ABCB9: variants seen among roughly 807,000 people sequenced by gnomAD.
ABCB9 encodes ATP binding cassette subfamily B member 9.
In ABCB9, 36 loss-of-function variants were observed where a neutral mutation model predicts 62.0. That is an observed-to-expected ratio of 0.58 (90% CI 0.45 to 0.77). The LOEUF (loss-of-function observed/expected upper bound fraction) is 0.77, where lower values mean the gene tolerates loss of function less well. Among genes scored for constraint, ABCB9 ranks in the 30% least tolerant of loss-of-function variants. The probability of loss-of-function intolerance (pLI) is 0.00; values close to 1 mark genes in which losing one functional copy is unlikely to be tolerated. For missense variants in ABCB9, 943 were observed against 1,054.7 expected, an observed-to-expected ratio of 0.89 and a Z score of 1.47; for synonymous variants, 435 against 461.4, an observed-to-expected ratio of 0.94 and a Z score of 0.73.
chr12:122,924,813 G>C (rs1207887074), downstream of ABCB9: 1 of 1,534,822 alleles, frequency 6.5e-7, no homozygotes, highest in African/African-American at 1.4e-5. Flanking sequence ...CCAGCACACT[G>C]TGTGGGACAG....
At position 122,940,904 on chromosome 12, in the gene ABCB9, T is replaced by C; in HGVS notation, c.1472A>G (p.His491Arg). The C allele has an allele frequency of 6.2e-7, 1 of 1,612,478 alleles. No individual in the cohort carries two copies. The highest frequency in any genetic ancestry group is 8.5e-7 in the Non-Finnish European group (1 of 1,179,436). ...GTGGTCGGGGGCCAAGCTGCCATCG[T>C]GCACCATGGTCGGCTGCCGGTCGAT... The part of the protein sequence containing the change: ...EFIDRQPTMV[H>R]DGSLAPDHLE... The change falls in exon 8 of 12, where the codon CAC becomes CGC. Residue 491 changes from histidine (H) to arginine (R), a missense_variant. By Grantham distance (29) the His-to-Arg change is conservative. Transcript: ENST00000280560. This position sits in a 1 kb window ranked among gnomAD's most constrained non-coding sequence, Gnocchi z 4.8.
At chr12:122,937,565 C>T (rs1009919134) in intron 9 of ABCB9, among the ~76,000 whole-genome samples, 62 of 152,158 alleles carry the variant, frequency 4.1e-4, no homozygotes, top group African/African-American at 1.4e-3. Context: ...AGAATCGAAG[C>T]GTGGTACCTA....
chr12:122,973,595 AAAAAAAAAAAAAAAC>A (rs2037318471), intron 1 of ABCB9, among the ~76,000 whole-genome samples: 1 of 144,006 alleles, frequency 6.9e-6, no homozygotes, highest in Non-Finnish European at 1.5e-5. Flanking sequence ...AAAAAAAAAA[AAAAAAAAAAAAAAAC>A]AAAAACTTTG....
At chr12:122,938,873 A>G (rs2035590873) in intron 9 of ABCB9, among the ~76,000 whole-genome samples, 1 of 151,634 alleles carries the variant, frequency 6.6e-6, no homozygotes, top group African/African-American at 2.4e-5. Context: ...AAAATAAAAT[A>G]TAAAGGGAAA....
At chr12:122,965,337 T>C (rs1473182087) in intron 1 of ABCB9, among the ~76,000 whole-genome samples, 2 of 152,174 alleles carry the variant, frequency 1.3e-5, no homozygotes, top group Non-Finnish European at 2.9e-5. Context: ...GGTGAGCTTT[T>C]TACCCCGGTG....
Position 122,944,964 on chromosome 12 carries a change from C to T in ABCB9, c.1252-445G>A, listed in dbSNP as rs932874187. Among the ~76,000 whole-genome samples, 3 of 152,222 alleles carry T rather than the reference C, an allele frequency of 2.0e-5. No homozygotes were observed. Among genetic ancestry groups the T allele is most frequent in the African/African-American group, 7.2e-5 (3 of 41,458 alleles). On this transcript the variant is annotated intron_variant, in intron 6 of 11. Transcript: ENST00000280560. The surrounding 1 kb of genome is among the most constrained non-coding windows in gnomAD (Gnocchi z 4.9). ...TGATGGGAGCGCCCATGCCTTCCTC[C>T]TGTGCCTGGGGGGCATCTGGGAAGG...
At chr12:122,948,873 T>C (rs756911027) in intron 4 of ABCB9, 44 bp from the exon 5 acceptor site, 1 of 1,439,996 alleles carries the variant, frequency 6.9e-7, no homozygotes, top group Admixed American at 2.6e-5. Flanking sequence ...AACCCGGGCC[T>C]TGGGGGTGGC....
At chr12:122,972,259 C>T (rs1267367182) in intron 1 of ABCB9, among the ~76,000 whole-genome samples, 2 of 152,066 alleles carry the variant, frequency 1.3e-5, no homozygotes, top group Non-Finnish European at 2.9e-5. Context: ...GTGATCCACC[C>T]GCCTTGGCCT....
intron 10 of ABCB9, among the ~76,000 whole-genome samples, chr12:122,933,423 A>G (rs893342466): frequency 1.3e-5 from 2 of 152,104 alleles, no homozygotes; most frequent in African/African-American, 4.8e-5. Flanking sequence ...GTATGGTGGC[A>G]CATGCCTGTA....
intron 1 of ABCB9, chr12:122,972,717 T>TA: frequency 6.6e-6 from 1 of 152,190 alleles, no homozygotes; most frequent in Non-Finnish European, 1.5e-5. Context: ...TTCACCATGT[T>TA]GCCCAGGCTG....
chr12:122,960,433 T>A, intron 1 of ABCB9, 111 bp from the exon 2 acceptor site: 2 of 739,366 alleles, frequency 2.7e-6, no homozygotes, highest in Non-Finnish European at 4.3e-6. Flanking sequence ...TTCTCATCTG[T>A]AAAATGGCAA....
Position 122,940,219 on chromosome 12 carries a change from C to A in ABCB9, c.1635G>T (p.Lys545Asn). The A allele has an allele frequency of 6.2e-7, 1 of 1,612,886 alleles. No individual in the cohort carries two copies. Among genetic ancestry groups the A allele is most frequent in the Non-Finnish European group, 8.5e-7 (1 of 1,179,282 alleles). Reference sequence around the variant, plus strand: ...TCTCCAGGATGTTGACACAGGAGCTCTTCCCACTGCCCGAGGGCCCCACCA... The same window carrying A: ...TCTCCAGGATGTTGACACAGGAGCTATTCCCACTGCCCGAGGGCCCCACCA... ...TALVGPSGSG[K>N]SSCVNILENF... The change falls in exon 9 of 12, where the codon AAG becomes AAT. Residue 545 changes from lysine (K) to asparagine (N), a missense_variant. Coordinates refer to ENST00000280560, the MANE Select transcript of ABCB9 (RefSeq NM_019625.4). This position sits in a 1 kb window ranked among gnomAD's most constrained non-coding sequence, Gnocchi z 4.8.
exon 12 of ABCB9, chr12:122,920,953 T>C (rs2034732163): frequency 6.9e-6 from 10 of 1,445,846 alleles, no homozygotes; most frequent in Non-Finnish European, 9.4e-7. Flanking sequence ...TCGTGTTTGC[T>C]GCACTGAAAA....
chr12:122,974,432 T>G (rs1183651986), intron 1 of ABCB9: 1 of 152,334 alleles, frequency 6.6e-6, no homozygotes, highest in Non-Finnish European at 1.5e-5. Flanking sequence ...ATTTGCCCCT[T>G]ACTGGATGTG....
At chr12:122,962,851 CA>C (rs920200605) in intron 1 of ABCB9, among the ~76,000 whole-genome samples, 1 of 152,204 alleles carries the variant, frequency 6.6e-6, no homozygotes, top group South Asian at 2.1e-4. Context: ...TTCCACTTAA[CA>C]GATGGAGAAA....
Position 122,929,989 on chromosome 12 carries a change from C to T in ABCB9, c.2223G>A (p.Gln741=). 6.3e-7 allele frequency: 1 copy of T among 1,577,664 alleles called. No individual in the cohort carries two copies. Among genetic ancestry groups the T allele is most frequent in the Non-Finnish European group, 8.6e-7 (1 of 1,164,556 alleles). ...GGLYAKLVQR[Q]MLGLQPAADF... The stretch of plus-strand genomic sequence containing the variant: ...CTGCGGCGGGCTGAAGCCCCAGCAT[C>T]TGCCGCTGCACCAGCTTGGCGTAGA... Residue 741 remains glutamine, a synonymous_variant, in exon 12 of 12, where the codon CAG becomes CAA. Transcript: ENST00000280560. The surrounding 1 kb of genome is among the most constrained non-coding windows in gnomAD (Gnocchi z 6.0).
intron 2 of ABCB9, among the ~76,000 whole-genome samples, chr12:122,954,827 C>T (rs1222869356): frequency 6.6e-6 from 1 of 152,190 alleles, no homozygotes; most frequent in Admixed American, 6.5e-5. Context: ...AGATACTCAA[C>T]CCTAAAACTA....
rs1017951757 is a variant in ABCB9, at chr12:122,948,636, G to T, written c.1041C>A (p.Gly347=). ...PIIMMVSNIY[G]KYYKRLSKEV... ...AGGGCAGGCCTACCTTGTAGTACTT[G>T]CCGTAGATGTTGGACACCATCATGA... The change falls in exon 5 of 12, where the codon GGC becomes GGA. Residue 347 remains glycine, a synonymous_variant. Transcript: ENST00000280560. The T allele has an allele frequency of 6.2e-6, 10 of 1,612,520 alleles. No homozygotes were observed. The highest frequency in any genetic ancestry group is 6.8e-6 in the Non-Finnish European group (8 of 1,179,128).
chr12:122,946,033 C>A lies in ABCB9; in HGVS notation c.1243G>T (p.Gly415Cys). The A allele has an allele frequency of 6.2e-7, 1 of 1,613,694 alleles. No individual in the cohort carries two copies. Among genetic ancestry groups the A allele is most frequent in the Non-Finnish European group, 8.5e-7 (1 of 1,180,006 alleles). The change falls in exon 6 of 12, where the codon GGC becomes TGC. Residue 415 changes from glycine to cysteine, a missense_variant. Physicochemically the swap from Gly to Cys is radical, Grantham distance 159. Transcript: ENST00000280560. ...TGGCCAGGGGCACGTACCCCGCTGC[C>A]CCAGACGTAGTACATGTAGGCAGCT... ...EAAAYMYYVW[G>C]SGLTLLVVQV...
Sources: allele counts gnomAD v4.1 joint callset (sites outside exome capture counted in the v4.1 genomes callset), GRCh38; gene constraint gnomAD v4.1.1; non-coding constraint Gnocchi (gnomAD v3.1); transcripts MANE v1.5; gene names NCBI Gene and HGNC (gene_info 2026-07-23, HGNC 2026-07-21).